GRM7: variants seen among roughly 807,000 people sequenced by gnomAD.
GRM7 encodes the protein glutamate metabotropic receptor 7.
In GRM7, 35 loss-of-function variants were observed where a neutral mutation model predicts 84.5. The observed-to-expected ratio is 0.41, with a 90% CI of 0.32 to 0.55. GRM7 has a LOEUF of 0.55. Ranked by LOEUF, GRM7 falls within the 20% of genes least tolerant of loss-of-function variation. GRM7 has a pLI of 0.19. For synonymous variants in GRM7, 487 were observed against 455.1 expected (o/e 1.07, Z -0.89); for missense variants, 1,003 against 1,194.6 (o/e 0.84, Z 2.36).
chr3:7,376,593 C>T (rs1405054470), intron 4 of GRM7, among the ~76,000 whole-genome samples: 4 of 152,218 alleles, frequency 2.6e-5, no homozygotes, highest in African/African-American at 7.2e-5. Flanking sequence ...CAATGTGCAG[C>T]TCTCAGGATG....
rs141628138 is a variant in GRM7, at chr3:7,045,016, C to T, written c.520-101436C>T. 1.5e-4 allele frequency among the ~76,000 whole-genome samples: 23 copies of T among 152,188 alleles called. No homozygotes were observed. In the East Asian group the frequency reaches 4.4e-3, roughly 29 times the overall value. On this transcript the variant is annotated intron_variant, in intron 1 of 9. Coordinates refer to ENST00000357716, the MANE Select transcript of GRM7 (RefSeq NM_000844.4). The stretch of plus-strand genomic sequence containing the variant: ...ACTGTTGAATGATTGGCACAGAGAC[C>T]TGTTTCTATTTCTGTTTCTTGCTTT...
At chr3:7,398,433 G>A (rs1379668225) in intron 4 of GRM7, among the ~76,000 whole-genome samples, 1 of 152,144 alleles carries the variant, frequency 6.6e-6, no homozygotes, top group Non-Finnish European at 1.5e-5. Flanking sequence ...ACAAACCTTA[G>A]CTTACTACAG....
chr3:6,867,236 A>G (rs372131579), intron 1 of GRM7, among the ~76,000 whole-genome samples: 2 of 152,334 alleles, frequency 1.3e-5, no homozygotes, highest in African/African-American at 4.8e-5. Flanking sequence ...TGTAAGGTTC[A>G]CTAACTGGCA....
chr3:7,042,628 T>A (rs112911444), intron 1 of GRM7, among the ~76,000 whole-genome samples: 55 of 151,984 alleles, frequency 3.6e-4, no homozygotes, highest in Admixed American at 1.1e-3. Context: ...TTATCTGGAG[T>A]ATTTTTTTCT....
chr3:7,287,287 T>C (rs897813408), intron 2 of GRM7, among the ~76,000 whole-genome samples: 1 of 152,142 alleles, frequency 6.6e-6, no homozygotes, highest in Non-Finnish European at 1.5e-5. Context: ...TGACTTCTGT[T>C]GGAATTCTCT....
chr3:7,570,184 A>T (rs898953597), intron 7 of GRM7, among the ~76,000 whole-genome samples: 3 of 152,168 alleles, frequency 2.0e-5, no homozygotes, highest in African/African-American at 7.2e-5. Flanking sequence ...GCCAAACCAT[A>T]TCATTCCACC....
Position 7,127,573 on chromosome 3 carries a change from C to T in GRM7, c.520-18879C>T, listed in dbSNP as rs188321554. Among the ~76,000 whole-genome samples, 9 of 152,216 alleles carry T rather than the reference C, an allele frequency of 5.9e-5. No homozygotes were observed. In the East Asian group the frequency reaches 9.6e-4, roughly 16 times the overall value. ...TAGGATAATCCTTAGGATATATAAA[C>T]ATTTTGGTTTTATTTTTTCTCTTAA... On this transcript the variant is annotated intron_variant, in intron 1 of 9. Transcript: ENST00000357716.
intron 1 of GRM7, among the ~76,000 whole-genome samples, chr3:7,013,532 C>A (rs9311970): frequency 6.6e-6 from 1 of 152,076 alleles, no homozygotes. Context: ...TTTTAGTCAA[C>A]GTTCACATAT....
chr3:6,959,099 G>A (rs1225065385), intron 1 of GRM7, among the ~76,000 whole-genome samples: 11 of 152,182 alleles, frequency 7.2e-5, no homozygotes, highest in Admixed American at 7.2e-4. Flanking sequence ...ATGCTTGATT[G>A]TGTAATATGT....
chr3:7,059,964 C>T (rs1697375042), intron 1 of GRM7, among the ~76,000 whole-genome samples: 1 of 151,818 alleles, frequency 6.6e-6, no homozygotes, highest in South Asian at 2.1e-4. Context: ...CCCAGCTGGA[C>T]TGCAGCACAA....
chr3:7,329,608 T>C lies in GRM7; in HGVS notation c.1033+22956T>C, dbSNP rs930513267. ...ATGTGTACTATAAAAAAGGTGATTT[T>C]TAGCTATATATAAATGAATATTTAA... On this transcript the variant is annotated intron_variant, in intron 4 of 9. Coordinates refer to ENST00000357716, the MANE Select transcript of GRM7 (RefSeq NM_000844.4). Among the ~76,000 whole-genome samples the C allele has an allele frequency of 4.6e-5, 7 of 152,150 alleles. No individual in the cohort carries two copies. The South Asian group carries it at 8.3e-4, about 18-fold the overall frequency.
intron 2 of GRM7, among the ~76,000 whole-genome samples, chr3:7,289,709 G>C (rs1363309688): frequency 6.6e-6 from 1 of 152,030 alleles, no homozygotes; most frequent in Non-Finnish European, 1.5e-5. Context: ...TCCTTTGTAG[G>C]GACATGGATG....
chr3:6,940,727 G>T (rs1697862848), intron 1 of GRM7, among the ~76,000 whole-genome samples: 1 of 152,124 alleles, frequency 6.6e-6, no homozygotes. Flanking sequence ...TTTGTAGAAG[G>T]AACAAGGCTA....
chr3:6,984,221 G>A (rs1370534789), intron 1 of GRM7, among the ~76,000 whole-genome samples: 2 of 152,196 alleles, frequency 1.3e-5, no homozygotes, highest in Non-Finnish European at 2.9e-5. Context: ...TTGTTATTAA[G>A]AAGATGAGCT....
intron 8 of GRM7, among the ~76,000 whole-genome samples, chr3:7,678,953 AC>A (rs1700248461): frequency 5.5e-5 from 1 of 18,310 alleles, no homozygotes; most frequent in Non-Finnish European, 2.0e-4. Flanking sequence ...TTCTTTGCAG[AC>A]AATAATAATG....
intron 1 of GRM7, among the ~76,000 whole-genome samples, chr3:6,920,244 C>A (rs1697078379): frequency 1.3e-5 from 2 of 152,064 alleles, no homozygotes; most frequent in Admixed American, 6.6e-5. Flanking sequence ...TTTTATCAAT[C>A]CCTAAATTAA....
chr3:7,711,071 G>A (rs1456634653), intron 9 of GRM7, among the ~76,000 whole-genome samples: 1 of 152,112 alleles, frequency 6.6e-6, no homozygotes, highest in African/African-American at 2.4e-5. Flanking sequence ...CCCATCATTG[G>A]CAAGTTGTCC....
intron 2 of GRM7, among the ~76,000 whole-genome samples, chr3:7,173,187 C>T (rs1049712644): frequency 6.6e-6 from 1 of 152,118 alleles, no homozygotes; most frequent in African/African-American, 2.4e-5. Flanking sequence ...AGTCACAATG[C>T]CCCTCTAAGG....
chr3:7,695,890 C>T (rs1413234949), intron 9 of GRM7, among the ~76,000 whole-genome samples: 1 of 152,104 alleles, frequency 6.6e-6, no homozygotes, highest in Non-Finnish European at 1.5e-5. Flanking sequence ...CATACAGTAG[C>T]CACTGGATAC....
Sources: allele counts gnomAD v4.1 joint callset (sites outside exome capture counted in the v4.1 genomes callset), GRCh38; gene constraint gnomAD v4.1.1; transcripts MANE v1.5; gene names NCBI Gene and HGNC (gene_info 2026-07-23, HGNC 2026-07-21).